GTF2B: variants seen among roughly 807,000 people sequenced by gnomAD.
GTF2B encodes the protein general transcription factor IIB, also known as transcription initiation factor IIB.
GTF2B carries 20 observed loss-of-function variants against 34.6 expected under a neutral mutation model. That is an observed-to-expected ratio of 0.58 (90% CI 0.41 to 0.84). The LOEUF (loss-of-function observed/expected upper bound fraction) is 0.84. GTF2B is among the 40% of genes least tolerant of loss of function. The probability of loss-of-function intolerance (pLI) is 0.00; values close to 1 mark genes in which losing one functional copy is unlikely to be tolerated. For missense variants in GTF2B, 237 were observed against 393.3 expected (o/e 0.60, Z 3.36); for synonymous variants, 142 against 132.4 (o/e 1.07, Z -0.50).
At chr1:88,880,181 T>C (rs1450613120) in intron 2 of GTF2B, among the ~76,000 whole-genome samples, 1 of 152,198 alleles carries the variant, frequency 6.6e-6, no homozygotes, top group Non-Finnish European at 1.5e-5. Flanking sequence ...TGTAAAAAAT[T>C]TTATGGCAAG....
chr1:88,869,754 G>C (rs941481278), intron 2 of GTF2B, among the ~76,000 whole-genome samples: 3 of 151,916 alleles, frequency 2.0e-5, no homozygotes, highest in African/African-American at 7.3e-5. Flanking sequence ...CAGCTTCCAA[G>C]TAGCTGGGAT....
At chr1:88,865,771 A>G (rs1673534099) in intron 2 of GTF2B, among the ~76,000 whole-genome samples, 1 of 152,062 alleles carries the variant, frequency 6.6e-6, no homozygotes, top group Non-Finnish European at 1.5e-5. Flanking sequence ...GAACTGCTTG[A>G]ACCTGGGAGG....
chr1:88,878,803 AACTACCAC>A (rs1432245337), intron 2 of GTF2B, among the ~76,000 whole-genome samples: 1 of 152,246 alleles, frequency 6.6e-6, no homozygotes, highest in Non-Finnish European at 1.5e-5. Context: ...CTTAGAAGCC[AACTACCAC>A]GTAGTATAAA....
At chr1:88,885,800 C>T (rs920293619) in intron 2 of GTF2B, among the ~76,000 whole-genome samples, 4 of 152,156 alleles carry the variant, frequency 2.6e-5, no homozygotes, top group African/African-American at 9.7e-5. Flanking sequence ...TGTATTTTCA[C>T]ATGTCCTAAA....
chr1:88,879,737 A>G (rs1314142764), intron 2 of GTF2B, among the ~76,000 whole-genome samples: 2 of 152,140 alleles, frequency 1.3e-5, no homozygotes, highest in African/African-American at 4.8e-5. Flanking sequence ...CTAATTTTCA[A>G]GCACAAATTA....
chr1:88,862,438 A>C (rs1673458910), intron 3 of GTF2B, among the ~76,000 whole-genome samples: 1 of 152,144 alleles, frequency 6.6e-6, no homozygotes, highest in African/African-American at 2.4e-5. Context: ...GTTACTTGGG[A>C]GGCTGAAGTG....
chr1:88,886,136 G>A (rs1012479205), intron 2 of GTF2B, among the ~76,000 whole-genome samples: 1 of 152,126 alleles, frequency 6.6e-6, no homozygotes, highest in African/African-American at 2.4e-5. Context: ...TCCTTACTCA[G>A]CAGAATACGG....
intron 2 of GTF2B, among the ~76,000 whole-genome samples, chr1:88,881,284 T>C (rs1423278988): frequency 6.6e-6 from 1 of 152,110 alleles, no homozygotes; most frequent in African/African-American, 2.4e-5. Context: ...CTATACTATG[T>C]AGCCTAGGTG....
intron 2 of GTF2B, among the ~76,000 whole-genome samples, chr1:88,871,644 C>T (rs1673695750): frequency 1.3e-5 from 2 of 152,188 alleles, no homozygotes; most frequent in African/African-American, 4.8e-5. Context: ...GTCATTAGTG[C>T]TGTTCCAAGT....
At chr1:88,882,457 T>G (rs1673973195) in intron 2 of GTF2B, among the ~76,000 whole-genome samples, 1 of 152,174 alleles carries the variant, frequency 6.6e-6, no homozygotes, top group Non-Finnish European at 1.5e-5. Context: ...AAGGCTCTCA[T>G]TTAACTGAAG....
intron 3 of GTF2B, among the ~76,000 whole-genome samples, chr1:88,863,109 T>C (rs955287682): frequency 1.5e-4 from 23 of 152,188 alleles, no homozygotes; most frequent in Non-Finnish European, 5.9e-5. Flanking sequence ...AACTATACTA[T>C]TGCCTTACAC....
Position 88,891,335 on chromosome 1 carries a change from G to A in GTF2B, c.17+148C>T, listed in dbSNP as rs1342687773. ...CCTGACAGTCCTGCCGTCTGGAAGT[G>A]CCTTTGTCCCGGCCCGTCGGCCAGT... On this transcript the variant is annotated intron_variant, in intron 1 of 6. Coordinates refer to ENST00000370500, the MANE Select transcript of GTF2B (RefSeq NM_001514.6). 4 of 606,714 alleles carry A rather than the reference G, an allele frequency of 6.6e-6. No individual in the cohort carries two copies. In the Admixed American group the frequency reaches 9.2e-5, roughly 14 times the overall value. 37.6% of individuals were successfully genotyped at this position (606,714 alleles called of 1,614,324 possible).
intron 2 of GTF2B, among the ~76,000 whole-genome samples, chr1:88,876,048 G>A (rs546888321): frequency 9.0e-6 from 1 of 111,404 alleles, no homozygotes; most frequent in Admixed American, 1.1e-4. Context: ...ATGTTTAAGA[G>A]AAAAACTGCA....
At chr1:88,858,954 G>A (rs1320307333) in intron 5 of GTF2B, among the ~76,000 whole-genome samples, 1 of 149,258 alleles carries the variant, frequency 6.7e-6, no homozygotes, top group Non-Finnish European at 1.5e-5. Context: ...TGCAACCTCT[G>A]CCTCCCGGTT....
At chr1:88,881,790 G>A (rs1673946722) in intron 2 of GTF2B, among the ~76,000 whole-genome samples, 1 of 152,088 alleles carries the variant, frequency 6.6e-6, no homozygotes, top group African/African-American at 2.4e-5. Flanking sequence ...ATTTAACATG[G>A]TGTTTGATAC....
At chr1:88,877,134 T>G (rs192726596) in intron 2 of GTF2B, among the ~76,000 whole-genome samples, 2 of 152,338 alleles carry the variant, frequency 1.3e-5, no homozygotes, top group Admixed American at 1.3e-4. Flanking sequence ...GCCTAGAATC[T>G]TTTTAAGCAC....
At position 88,869,370 on chromosome 1, in the gene GTF2B, A is replaced by G. The variant is rs1475253111; in HGVS notation, c.125-5256T>C. ...TGAGTGTATTTACCCATTAGAAACA[A>G]CCCATCAACAGAAAAATGTGTACAA... On this transcript the variant is annotated intron_variant, in intron 2 of 6. Coordinates refer to ENST00000370500, the MANE Select transcript of GTF2B (RefSeq NM_001514.6). Among the ~76,000 whole-genome samples the G allele has an allele frequency of 2.6e-5, 4 of 152,306 alleles. No homozygotes were observed. In the South Asian group the frequency reaches 8.3e-4, roughly 32 times the overall value.
intron 2 of GTF2B, among the ~76,000 whole-genome samples, chr1:88,865,805 C>A (rs1442149320): frequency 6.6e-6 from 1 of 150,808 alleles, no homozygotes; most frequent in African/African-American, 2.4e-5. Flanking sequence ...GAACTGAGAT[C>A]GCAACAAGAG....
rs191390323 is a variant in GTF2B at position 88,873,011 on chromosome 1, C to T, written c.125-8897G>A. ...ATTACAGTTTTATATTCATAAGCCT[C>T]ATATTGATTTTTAAGTTTATTCATC... On this transcript the variant is annotated intron_variant, in intron 2 of 6. Coordinates refer to ENST00000370500, the MANE Select transcript of GTF2B (RefSeq NM_001514.6). Among the ~76,000 whole-genome samples, 348 of 152,124 alleles carry T rather than the reference C, an allele frequency of 2.3e-3. 4 individuals carry two copies. The highest frequency in any genetic ancestry group is 6.6e-4 in the Non-Finnish European group (45 of 67,992).
Sources: gnomAD v4.1 joint callset for allele counts (sites outside exome capture counted in the v4.1 genomes callset) on GRCh38, gnomAD v4.1.1 for gene constraint, MANE v1.5 for transcripts, NCBI Gene and HGNC (gene_info 2026-07-23, HGNC 2026-07-21) for gene names.